Variants in BMPR1A observed in about 807,000 individuals in gnomAD.
BMPR1A encodes bone morphogenetic protein receptor type 1A, also known as bone morphogenetic protein receptor type-1A.
A neutral mutation model predicts 66.0 loss-of-function variants in BMPR1A; 7 were observed. The observed-to-expected ratio is 0.11, with a 90% CI of 0.06 to 0.20. BMPR1A has a LOEUF of 0.20. Ranked by LOEUF, BMPR1A falls within the 10% of genes least tolerant of loss-of-function variation. The pLI, the probability that BMPR1A is intolerant of heterozygous loss-of-function variation, is 1.00. For synonymous variants in BMPR1A, 200 were observed against 229.7 expected, an observed-to-expected ratio of 0.87 and a Z score of 1.17; for missense variants, 408 against 669.1, an observed-to-expected ratio of 0.61 and a Z score of 4.31.
At chr10:86,787,605 G>C (rs1841534827) in intron 1 of BMPR1A, among the ~76,000 whole-genome samples, 1 of 152,182 alleles carries the variant, frequency 6.6e-6, no homozygotes, top group Admixed American at 6.5e-5. Context: ...AGCATGTCTT[G>C]TTTGGTCAGT....
chr10:86,775,875 G>A lies in BMPR1A; in HGVS notation c.-268+18956G>A, dbSNP rs572686714. Among the ~76,000 whole-genome samples the A allele has an allele frequency of 1.4e-4, 22 of 152,098 alleles. No homozygotes were observed. The South Asian group carries it at 3.1e-3, about 22-fold the overall frequency. On this transcript the variant is annotated intron_variant, in intron 1 of 12. Transcript: ENST00000372037. ...CTTTGTACAGATGGCATCATGCATT[G>A]TGCATTGCAGCTTGCCTTTTTCACC...
chr10:86,876,167 G>C (rs1013739606), intron 3 of BMPR1A, 82 bp downstream of exon 3: 3 of 1,330,260 alleles, frequency 2.3e-6, no homozygotes, highest in Admixed American at 1.7e-5. Context: ...ACTCATCCCT[G>C]TTTGAATAGT....
intron 2 of BMPR1A, among the ~76,000 whole-genome samples, chr10:86,863,436 CATATTAGCT>C (rs923295290): frequency 6.6e-6 from 1 of 152,144 alleles, no homozygotes; most frequent in African/African-American, 2.4e-5. Flanking sequence ...CTTTAATCCT[CATATTAGCT>C]ATATTAGCTA....
At chr10:86,923,554 A>C (rs200493724) in intron 12 of BMPR1A, 40 bp from the exon 13 acceptor site, 1 of 1,614,204 alleles carries the variant, frequency 6.2e-7, no homozygotes, top group African/African-American at 1.3e-5. Flanking sequence ...AATGCCACCA[A>C]ATATATTCTC....
At chr10:86,855,351 A>G in intron 2 of BMPR1A, 1 of 832,952 alleles carries the variant, frequency 1.2e-6, no homozygotes, top group Admixed American at 2.6e-5. Flanking sequence ...CCACTTCAGG[A>G]CACACCTGCA....
At chr10:86,800,282 A>G (rs1488545952) in intron 1 of BMPR1A, among the ~76,000 whole-genome samples, 2 of 152,178 alleles carry the variant, frequency 1.3e-5, no homozygotes, top group African/African-American at 2.4e-5. Flanking sequence ...CCCGGCTCTC[A>G]GTTGCCATCA....
chr10:86,904,702 CAA>C (rs1056995611), intron 7 of BMPR1A, among the ~76,000 whole-genome samples: 2 of 152,154 alleles, frequency 1.3e-5, no homozygotes, highest in African/African-American at 4.8e-5. Flanking sequence ...CACAAACTAA[CAA>C]TATCTTTTAA....
chr10:86,759,153 A>G (rs1840984779), intron 1 of BMPR1A, among the ~76,000 whole-genome samples: 1 of 152,254 alleles, frequency 6.6e-6, no homozygotes, highest in Non-Finnish European at 1.5e-5. Flanking sequence ...GAACCCAGGC[A>G]GATTGTGAAG....
rs151036402 is a variant in BMPR1A, at chr10:86,868,491, G to A, written c.-152-7376G>A. Among the ~76,000 whole-genome samples the A allele has an allele frequency of 5.1e-3, 777 of 152,334 alleles. 6 individuals carry two copies. The highest frequency in any genetic ancestry group is 0.017 in the African/African-American group (722 of 41,574). On this transcript the variant is annotated intron_variant, in intron 2 of 12. Transcript: ENST00000372037. The stretch of plus-strand genomic sequence containing the variant: ...ATCCAGGCCCTGGATAAGGAGCAGA[G>A]CAGCCATGCGAACAATGGCCTTGGA...
At chr10:86,791,271 G>C (rs573939266) in intron 1 of BMPR1A, among the ~76,000 whole-genome samples, 1 of 151,424 alleles carries the variant, frequency 6.6e-6, no homozygotes, top group Non-Finnish European at 1.5e-5. Flanking sequence ...GGAGTGCAGT[G>C]GTGCGATCTC....
intron 1 of BMPR1A, among the ~76,000 whole-genome samples, chr10:86,769,274 G>A (rs1306296061): frequency 6.6e-6 from 1 of 152,192 alleles, no homozygotes; most frequent in African/African-American, 2.4e-5. Flanking sequence ...AATAGATCTA[G>A]AGCTGAACTC....
At chr10:86,831,811 T>C (rs1842271600) in intron 1 of BMPR1A, among the ~76,000 whole-genome samples, 1 of 152,196 alleles carries the variant, frequency 6.6e-6, no homozygotes. Flanking sequence ...GTGTCTTTTT[T>C]GGTGCATAGC....
At chr10:86,928,066 A>G (rs1843768741), downstream of BMPR1A, 1 of 169,390 alleles carries the variant, frequency 5.9e-6, no homozygotes, top group African/African-American at 2.4e-5. Context: ...GTGTATATAC[A>G]TATGTTCCTG....
At chr10:86,793,686 A>G (rs905538246) in intron 1 of BMPR1A, among the ~76,000 whole-genome samples, 4 of 152,094 alleles carry the variant, frequency 2.6e-5, no homozygotes, top group African/African-American at 9.7e-5. Context: ...GACAGTGTCA[A>G]TTATGTAGTG....
intron 7 of BMPR1A, 63 bp from the exon 8 acceptor site, chr10:86,912,177 G>T: frequency 1.3e-6 from 2 of 1,574,678 alleles, no homozygotes; most frequent in Non-Finnish European, 1.7e-6. Context: ...GAACCTCAAG[G>T]TTTTTCTTAG....
intron 1 of BMPR1A, among the ~76,000 whole-genome samples, chr10:86,760,233 TTTCTTTCTTTCTTTC>T (rs1415160858): frequency 1.8e-5 from 2 of 108,254 alleles, no homozygotes; most frequent in Non-Finnish European, 3.7e-5. Flanking sequence ...TTTTTCTTTC[TTTCTTTCTTTCTTTC>T]TTTTTTTTTT....
Position 86,884,394 on chromosome 10 carries a change from A to ATTTTTTTTTTTTTTTTT in BMPR1A, c.68-5647_68-5631dup, listed in dbSNP as rs759424209. Among the ~76,000 whole-genome samples the ATTTTTTTTTTTTTTTTT allele has an allele frequency of 1.0e-4, 5 of 49,348 alleles. 1 individual carries two copies. The highest frequency in any genetic ancestry group is 3.1e-4 in the Admixed American group (1 of 3,238). 32.4% of individuals were successfully genotyped at this position (49,348 alleles called of 152,430 possible). A position where few individuals can be genotyped will look rare whatever the true frequency, so the allele number is the denominator to read the frequency against. On this transcript the variant is annotated intron_variant, in intron 3 of 12. Transcript: ENST00000372037. Reference sequence around the variant, plus strand: ...AGCCACCATGCCTGGCAAACACATGATTTTTTTTTTTTTTTTTTTTTTTTT... The same window carrying ATTTTTTTTTTTTTTTTT: ...AGCCACCATGCCTGGCAAACACATGATTTTTTTTTTTTTTTTTTTTTTTTTTTTTTTTTTTTTTTTTT...
chr10:86,875,484 T>G (rs1026393336), intron 2 of BMPR1A, among the ~76,000 whole-genome samples: 1 of 152,248 alleles, frequency 6.6e-6, no homozygotes, highest in African/African-American at 2.4e-5. Flanking sequence ...TCATTATATC[T>G]ACTAGAATTT....
chr10:86,801,967 G>A (rs1245255976), intron 1 of BMPR1A, among the ~76,000 whole-genome samples: 3 of 151,910 alleles, frequency 2.0e-5, no homozygotes, highest in Admixed American at 6.6e-5. Flanking sequence ...GCCCCCCTCC[G>A]CCTTCCAAAG....
Sources: allele counts gnomAD v4.1 joint callset (sites outside exome capture counted in the v4.1 genomes callset), GRCh38; gene constraint gnomAD v4.1.1; transcripts MANE v1.5; gene names NCBI Gene and HGNC (gene_info 2026-07-23, HGNC 2026-07-21).